Variants in ENTPD6 observed in about 807,000 individuals in gnomAD.
The protein encoded by ENTPD6 is CD39 antigen-like 2.
In ENTPD6, 46 loss-of-function variants were observed where a neutral mutation model predicts 61.5. The ratio of observed to expected loss-of-function variants is 0.75; its 90% CI spans 0.59 to 0.96. The LOEUF (loss-of-function observed/expected upper bound fraction) is 0.96, where lower values mean the gene tolerates loss of function less well. ENTPD6 is among the 40% of genes least tolerant of loss of function. The probability of loss-of-function intolerance (pLI) is 0.00; values close to 1 mark genes in which losing one functional copy is unlikely to be tolerated. For missense variants in ENTPD6, 612 were observed against 629.0 expected, an observed-to-expected ratio of 0.97 and a Z score of 0.29; for synonymous variants, 252 against 255.5, an observed-to-expected ratio of 0.99 and a Z score of 0.13.
rs1437218549 is a variant in ENTPD6 at position 25,225,856 on chromosome 20, CAG to C, written c.*261_*262del. Reference sequence around the variant, plus strand: ...GGGCTCCAAGTGGGCAGGACCAGGACAGAACCACAGGCACACACTGAGGGGGC... The same window carrying C: ...GGGCTCCAAGTGGGCAGGACCAGGACAACCACAGGCACACACTGAGGGGGC... On this transcript the variant is annotated 3_prime_UTR_variant, in exon 15 of 15. Transcript: ENST00000376652. 9 of 450,286 alleles carry C rather than the reference CAG, an allele frequency of 2.0e-5. No individual in the cohort carries two copies. Among genetic ancestry groups the C allele is most frequent in the Non-Finnish European group, 2.8e-5 (7 of 251,386 alleles). The allele number at this position is 450,286 out of a possible 1,614,324, so 27.9% of individuals were successfully genotyped here. A position where few individuals can be genotyped will look rare whatever the true frequency, so the allele number is the denominator to read the frequency against.
chr20:25,205,236 A>G (rs1448968276), intron 1 of ENTPD6, among the ~76,000 whole-genome samples: 1 of 151,956 alleles, frequency 6.6e-6, no homozygotes, highest in Non-Finnish European at 1.5e-5. Context: ...TGGTTTCATC[A>G]CTGCTGGTGG....
chr20:25,210,577 C>G (rs1568621154), intron 4 of ENTPD6, among the ~76,000 whole-genome samples: 3 of 152,088 alleles, frequency 2.0e-5, no homozygotes, highest in African/African-American at 7.2e-5. Flanking sequence ...CCTGGGAGGT[C>G]AAGGCTACAG....
chr20:25,204,412 A>G (rs1321091265), intron 1 of ENTPD6, among the ~76,000 whole-genome samples: 2 of 152,110 alleles, frequency 1.3e-5, no homozygotes, highest in Non-Finnish European at 2.9e-5. Flanking sequence ...GCAGGTCTTA[A>G]TGTCTGCCGG....
At chr20:25,198,406 C>T (rs749396311) in intron 1 of ENTPD6, among the ~76,000 whole-genome samples, 3 of 151,558 alleles carry the variant, frequency 2.0e-5, no homozygotes, top group Non-Finnish European at 4.4e-5. Flanking sequence ...ACCTGGGAGG[C>T]AGAGGTTGCA....
intron 13 of ENTPD6, 85 bp downstream of exon 13, chr20:25,224,242 G>A: frequency 1.6e-6 from 2 of 1,257,564 alleles, no homozygotes; most frequent in Middle Eastern, 2.1e-4. Flanking sequence ...ACTCTCCTGG[G>A]TGTAGCCCCT....
intron 6 of ENTPD6, 92 bp from the exon 7 acceptor site, chr20:25,215,584 C>T: frequency 7.5e-7 from 1 of 1,329,506 alleles, no homozygotes; most frequent in Non-Finnish European, 1.1e-6. Flanking sequence ...CTTTATGCTC[C>T]CCAGATCTGC....
intron 1 of ENTPD6, among the ~76,000 whole-genome samples, chr20:25,197,384 C>CA (rs1005522008): frequency 2.0e-5 from 3 of 152,148 alleles, no homozygotes; most frequent in African/African-American, 7.2e-5. Flanking sequence ...TGCCTGTGTG[C>CA]ACCCTACTTC....
chr20:25,213,725 G>A (rs967015489), intron 5 of ENTPD6, among the ~76,000 whole-genome samples: 2 of 152,184 alleles, frequency 1.3e-5, no homozygotes, highest in African/African-American at 4.8e-5. Flanking sequence ...CAAGGCGGGC[G>A]AATCATTTGA....
Position 25,225,821 on chromosome 20 carries a change from C to T in ENTPD6, c.*224C>T. The T allele has an allele frequency of 5.8e-6, 3 of 520,172 alleles. No individual in the cohort carries two copies. Among genetic ancestry groups the T allele is most frequent in the Admixed American group, 3.6e-5 (1 of 28,022 alleles). 32.2% of individuals were successfully genotyped at this position (520,172 alleles called of 1,614,324 possible). On this transcript the variant is annotated 3_prime_UTR_variant, in exon 15 of 15. Coordinates refer to ENST00000376652, the MANE Select transcript of ENTPD6 (RefSeq NM_001247.5). ...GGACCTGGGCCCTGCTCAATGCCAC[C>T]TGTCTGCCTGGGCTCCAAGTGGGCA...
At position 25,204,701 on chromosome 20, in the gene ENTPD6, C is replaced by T. The variant is rs372440743; in HGVS notation, c.-15-1821C>T. On this transcript the variant is annotated intron_variant, in intron 1 of 14. Transcript: ENST00000376652. Reference sequence around the variant, plus strand: ...GATCTGTTCCTCAGGCAGCCCAAGACAGATTAGGATGTTGCAGAAAGGTCC... The same window carrying T: ...GATCTGTTCCTCAGGCAGCCCAAGATAGATTAGGATGTTGCAGAAAGGTCC... Among the ~76,000 whole-genome samples, 5 of 152,194 alleles carry T rather than the reference C, an allele frequency of 3.3e-5. 1 individual carries two copies. The East Asian group carries it at 5.8e-4, about 18-fold the overall frequency.
intron 12 of ENTPD6, 126 bp from the exon 13 acceptor site, chr20:25,223,975 G>A (rs1356057658): frequency 2.0e-5 from 16 of 793,140 alleles, no homozygotes; most frequent in Non-Finnish European, 3.0e-5. Flanking sequence ...CAGCTGGAGG[G>A]CCTGCCTCAG....
At chr20:25,215,629 T>G in intron 6 of ENTPD6, 47 bp from the exon 7 acceptor site, 1 of 1,604,096 alleles carries the variant, frequency 6.2e-7, no homozygotes, top group Non-Finnish European at 8.5e-7. Flanking sequence ...TGTTATGCTT[T>G]CAGCATCTCA....
rs879308792 is a variant in ENTPD6 at position 25,226,224 on chromosome 20, G to A, written c.*627G>A. 1 of 152,720 alleles carries A rather than the reference G, an allele frequency of 6.5e-6. No homozygotes were observed. Among genetic ancestry groups the A allele is most frequent in the Non-Finnish European group, 1.5e-5 (1 of 68,070 alleles). 9.5% of individuals were successfully genotyped at this position (152,720 alleles called of 1,614,324 possible). A position where few individuals can be genotyped will look rare whatever the true frequency, so the allele number is the denominator to read the frequency against. ...GTGTGGTTTGGGGTTAATGATGGAGGGAGACACCTCCTCATAGACGGCAGG... is the reference window on the plus strand; with the variant it reads ...GTGTGGTTTGGGGTTAATGATGGAGAGAGACACCTCCTCATAGACGGCAGG... On this transcript the variant is annotated 3_prime_UTR_variant, in exon 15 of 15. Transcript: ENST00000376652.
At chr20:25,223,104 A>G in intron 12 of ENTPD6, 126 bp downstream of exon 12, 2 of 1,109,088 alleles carry the variant, frequency 1.8e-6, no homozygotes, top group Non-Finnish European at 2.5e-6. Flanking sequence ...TCCCTGCAGG[A>G]GGCCAGAAGC....
chr20:25,224,408 C>T (rs1048734816), intron 13 of ENTPD6: 2 of 347,880 alleles, frequency 5.7e-6, no homozygotes, highest in African/African-American at 2.1e-5. Flanking sequence ...GAGTGATTTC[C>T]CCTGGGATGT....
chr20:25,213,896 A>T (rs2092146061), intron 5 of ENTPD6, among the ~76,000 whole-genome samples: 1 of 152,120 alleles, frequency 6.6e-6, no homozygotes. Flanking sequence ...GCTGCACTGA[A>T]CTGTGATTAT....
chr20:25,196,097 A>C (rs1433276844), intron 1 of ENTPD6: 10 of 1,115,524 alleles, frequency 9.0e-6, no homozygotes, highest in Non-Finnish European at 1.0e-5. Flanking sequence ...GGGCGGGCCA[A>C]ATAGCAGGGG....
chr20:25,207,061 C>G lies in ENTPD6; in HGVS notation c.55-15C>G, dbSNP rs754818233. The G allele has an allele frequency of 2.5e-6, 4 of 1,588,668 alleles. No homozygotes were observed. The highest frequency in any genetic ancestry group is 1.1e-5 in the South Asian group (1 of 88,728). ...CCCTAACGTGCTTTTCCTGCCTCTCCCCCCTTCCCACCAGCAGCCGCAGCA... is the reference window on the plus strand; with the variant it reads ...CCCTAACGTGCTTTTCCTGCCTCTCGCCCCTTCCCACCAGCAGCCGCAGCA... On this transcript the variant is annotated splice_polypyrimidine_tract_variant and intron_variant, in intron 2 of 14. Coordinates refer to ENST00000376652, the MANE Select transcript of ENTPD6 (RefSeq NM_001247.5).
intron 1 of ENTPD6, among the ~76,000 whole-genome samples, chr20:25,199,677 C>T (rs1447687000): frequency 6.6e-6 from 1 of 151,294 alleles, no homozygotes; most frequent in Admixed American, 6.5e-5. Flanking sequence ...CCCTTCTACT[C>T]TCTGTCTGTG....
Sources: gnomAD v4.1 joint callset for allele counts (sites outside exome capture counted in the v4.1 genomes callset) on GRCh38, gnomAD v4.1.1 for gene constraint, MANE v1.5 for transcripts, NCBI Gene and HGNC (gene_info 2026-07-23, HGNC 2026-07-21) for gene names.